PPP1R1C: variants seen among roughly 807,000 people sequenced by gnomAD.
PPP1R1C encodes the protein protein phosphatase 1 regulatory subunit 1C.
Under a neutral mutation model 17.4 loss-of-function variants are expected in PPP1R1C, and 15 were observed. That is an observed-to-expected ratio of 0.86 (90% CI 0.58 to 1.33). The LOEUF (loss-of-function observed/expected upper bound fraction) is 1.33, where lower values mean the gene tolerates loss of function less well. PPP1R1C is among the 40% of genes most tolerant of loss of function. The pLI is 0.00. For synonymous variants in PPP1R1C, 35 were observed against 43.1 expected, an observed-to-expected ratio of 0.81 and a Z score of 0.73; for missense variants, 143 against 130.0, an observed-to-expected ratio of 1.10 and a Z score of -0.48.
At chr2:181,980,045 A>G (rs1685165845) in intron 2 of PPP1R1C, among the ~76,000 whole-genome samples, 1 of 152,004 alleles carries the variant, frequency 6.6e-6, no homozygotes, top group African/African-American at 2.4e-5. Context: ...TATGGTGCTT[A>G]TTTTTATAGG....
downstream of PPP1R1C, among the ~76,000 whole-genome samples, chr2:182,122,219 T>TAA (rs5836817): frequency 7.3e-5 from 11 of 151,550 alleles, no homozygotes; most frequent in Non-Finnish European, 1.5e-4. Flanking sequence ...AGGGTATTTA[T>TAA]AAAAAAAAAT....
At position 181,960,764 on chromosome 2, in the gene PPP1R1C, G is replaced by A. The variant is rs1001714332; in HGVS notation, n.111+6130G>A. On this transcript the variant is annotated intron_variant and non_coding_transcript_variant, in intron 1 of 5. Transcript: ENST00000464264. ...AGCTGAAATGTTGATGCTGCCATCT[G>A]GGAATCACTTTCTTGTGGGGGTCAC... 6.3e-4 allele frequency among the ~76,000 whole-genome samples: 96 copies of A among 152,286 alleles called. 1 individual carries two copies. Among genetic ancestry groups the A allele is most frequent in the African/African-American group, 2.3e-3 (95 of 41,552 alleles).
chr2:182,063,994 C>G (rs1687917445), intron 4 of PPP1R1C: 1 of 458,448 alleles, frequency 2.2e-6, no homozygotes, highest in African/African-American at 2.0e-5. Context: ...AAAGAAATAG[C>G]TAGTGATCTC....
intron 4 of PPP1R1C, among the ~76,000 whole-genome samples, chr2:182,095,133 A>T (rs1159831378): frequency 6.6e-6 from 1 of 151,712 alleles, no homozygotes; most frequent in Non-Finnish European, 1.5e-5. Flanking sequence ...TACTAAAAAT[A>T]CAAAAAAAAG....
chr2:182,095,483 C>A (rs1009390942), intron 4 of PPP1R1C, among the ~76,000 whole-genome samples: 1 of 152,134 alleles, frequency 6.6e-6, no homozygotes, highest in Non-Finnish European at 1.5e-5. Flanking sequence ...ATTATTGTAT[C>A]CCTAAACCCT....
rs192790053 is a variant in PPP1R1C at position 182,117,351 on chromosome 2, G to T, written c.*56G>T. The T allele has an allele frequency of 1.6e-5, 20 of 1,281,634 alleles. No homozygotes were observed. The highest frequency in any genetic ancestry group is 2.0e-5 in the Non-Finnish European group (18 of 912,602). 79.4% of individuals were successfully genotyped at this position (1,281,634 alleles called of 1,614,324 possible). A position where few individuals can be genotyped will look rare whatever the true frequency, so the allele number is the denominator to read the frequency against. ...AAATAACTGAACTATTAACTTTTCT[G>T]AGTATACCATGGAATTCCACTGCTT... On this transcript the variant is annotated 3_prime_UTR_variant, in exon 5 of 5. Transcript: ENST00000682840.
intron 2 of PPP1R1C, among the ~76,000 whole-genome samples, chr2:182,017,479 A>C (rs1346831989): frequency 6.6e-6 from 1 of 152,092 alleles, no homozygotes; most frequent in Non-Finnish European, 1.5e-5. Context: ...TAAAGTTTGT[A>C]TATCAACAAA....
chr2:181,962,335 C>G lies in PPP1R1C; in HGVS notation n.111+7701C>G. ...CACCCCGGAAGCTGGTGGAGCGGGA[C>G]ACGGATATCCGGGAACCAGAGCCCC... On this transcript the variant is annotated intron_variant and non_coding_transcript_variant, in intron 1 of 5. Coordinates refer to the PPP1R1C transcript ENST00000464264. This position sits in a 1 kb window ranked among gnomAD's most constrained non-coding sequence, Gnocchi z 6.0. 1.1e-6 allele frequency: 1 copy of G among 941,678 alleles called. No homozygotes were observed. Among genetic ancestry groups the G allele is most frequent in the Non-Finnish European group, 1.7e-6 (1 of 600,086 alleles). The allele number at this position is 941,678 out of a possible 1,614,324, so 58.3% of individuals were successfully genotyped here.
chr2:181,960,033 G>A (rs908392), intron 1 of PPP1R1C, among the ~76,000 whole-genome samples: 150,132 of 152,310 alleles, frequency 0.99, 74,036 homozygotes, highest in Middle Eastern at 1. Flanking sequence ...ATAACTAAAA[G>A]AGTCTTACAA....
At chr2:182,024,491 C>A (rs1233216302) in intron 2 of PPP1R1C, among the ~76,000 whole-genome samples, 1 of 151,638 alleles carries the variant, frequency 6.6e-6, no homozygotes, top group Non-Finnish European at 1.5e-5. Flanking sequence ...CTTTAAAGAG[C>A]TGTTACCTCT....
At chr2:181,999,441 T>C (rs1685698720) in intron 2 of PPP1R1C, among the ~76,000 whole-genome samples, 1 of 152,180 alleles carries the variant, frequency 6.6e-6, no homozygotes, top group Admixed American at 6.5e-5. Flanking sequence ...TTTCAGTAAG[T>C]AGGTCTGTAA....
chr2:182,002,985 G>A (rs147930618), intron 2 of PPP1R1C, among the ~76,000 whole-genome samples: 15 of 137,134 alleles, frequency 1.1e-4, no homozygotes, highest in South Asian at 6.7e-4. Flanking sequence ...ATTATATTGG[G>A]AGAAAATTGA....
intron 4 of PPP1R1C, among the ~76,000 whole-genome samples, chr2:182,085,644 T>G (rs1333174411): frequency 6.6e-6 from 1 of 152,180 alleles, no homozygotes; most frequent in Non-Finnish European, 1.5e-5. Flanking sequence ...CTAAAGAATT[T>G]GCTGCATGTA....
At chr2:182,114,357 C>T (rs1344808172) in intron 4 of PPP1R1C, among the ~76,000 whole-genome samples, 1 of 152,154 alleles carries the variant, frequency 6.6e-6, no homozygotes, top group Non-Finnish European at 1.5e-5. Context: ...TCATTTTCAT[C>T]CATCTCTAGA....
At chr2:182,103,107 C>A (rs182650873) in intron 4 of PPP1R1C, among the ~76,000 whole-genome samples, 1 of 152,056 alleles carries the variant, frequency 6.6e-6, no homozygotes, top group East Asian at 1.9e-4. Flanking sequence ...CCGGCCAAGC[C>A]GTGATCTTAA....
At chr2:181,991,872 A>T (rs896752617) in intron 2 of PPP1R1C, among the ~76,000 whole-genome samples, 1 of 151,290 alleles carries the variant, frequency 6.6e-6, no homozygotes, top group Non-Finnish European at 1.5e-5. Flanking sequence ...GTTCCTATAT[A>T]TTTTTTTTTA....
intron 2 of PPP1R1C, among the ~76,000 whole-genome samples, chr2:182,002,927 A>AC (rs200353111): frequency 0.18 from 16,159 of 88,570 alleles, 1,991 homozygotes; most frequent in Non-Finnish European, 0.27. Flanking sequence ...GATGCCATAA[A>AC]CCTCCCCCCC....
chr2:182,009,019 T>G (rs938978666), intron 2 of PPP1R1C, among the ~76,000 whole-genome samples: 29 of 152,216 alleles, frequency 1.9e-4, no homozygotes, highest in African/African-American at 7.0e-4. Context: ...CATTTTGTTA[T>G]CCATTCATCT....
chr2:182,022,553 C>T (rs748551054), intron 2 of PPP1R1C, among the ~76,000 whole-genome samples: 13 of 152,278 alleles, frequency 8.5e-5, no homozygotes, highest in East Asian at 3.9e-4. Flanking sequence ...CACACACATA[C>T]GTAGCACAAA....
Sources: gnomAD v4.1 joint callset for allele counts (sites outside exome capture counted in the v4.1 genomes callset) on GRCh38, gnomAD v4.1.1 for gene constraint, Gnocchi (gnomAD v3.1) non-coding constraint, MANE v1.5 for transcripts, NCBI Gene and HGNC (gene_info 2026-07-23, HGNC 2026-07-21) for gene names.